The following TMCO5A variants were observed in gnomAD, a reference collection of about 807,000 sequenced individuals.
TMCO5A encodes the protein transmembrane and coiled-coil domains 5A.
Under a neutral mutation model 42.3 loss-of-function variants are expected in TMCO5A, and 34 were observed. That is an observed-to-expected ratio of 0.80 (90% CI 0.61 to 1.07). The LOEUF (loss-of-function observed/expected upper bound fraction) is 1.07. TMCO5A is among the 50% of genes least tolerant of loss of function. The pLI, the probability that TMCO5A is intolerant of heterozygous loss-of-function variation, is 0.00. For missense variants in TMCO5A, 357 were observed against 327.9 expected, an observed-to-expected ratio of 1.09 and a Z score of -0.69; for synonymous variants, 131 against 115.6, an observed-to-expected ratio of 1.13 and a Z score of -0.86.
chr15:37,953,552 C>T (rs531374021), downstream of TMCO5A, among the ~76,000 whole-genome samples: 1 of 152,086 alleles, frequency 6.6e-6, no homozygotes, highest in Non-Finnish European at 1.5e-5. Flanking sequence ...TAGATCACAA[C>T]ATCAAAGTCC....
the TMCO5A span, among the ~76,000 whole-genome samples, chr15:37,973,274 G>A: frequency 6.6e-6 from 1 of 151,520 alleles, no homozygotes; most frequent in East Asian, 1.9e-4. Flanking sequence ...TTGGCTATTG[G>A]GGCTCTTTTT....
At chr15:37,964,396 G>A (rs998263577) in intron 11 of TMCO5A, among the ~76,000 whole-genome samples, 4 of 152,126 alleles carry the variant, frequency 2.6e-5, no homozygotes, top group African/African-American at 9.7e-5. Flanking sequence ...AGTATTTGGG[G>A]TGTCTTCCGG....
At chr15:37,976,103 GCA>G in the TMCO5A span, among the ~76,000 whole-genome samples, 15 of 144,654 alleles carry the variant, frequency 1.0e-4, no homozygotes, top group Non-Finnish European at 1.6e-4. Flanking sequence ...AATTAGCCAG[GCA>G]TGGTGGTACA....
chr15:37,987,070 A>AT, the TMCO5A span, among the ~76,000 whole-genome samples: 1 of 151,940 alleles, frequency 6.6e-6, no homozygotes, highest in African/African-American at 2.4e-5. Flanking sequence ...ATCAACATAC[A>AT]TTTTTTGTAT....
the TMCO5A span, among the ~76,000 whole-genome samples, chr15:37,995,573 G>T: frequency 6.6e-6 from 1 of 152,316 alleles, no homozygotes; most frequent in Admixed American, 6.5e-5. Flanking sequence ...GAAGAGCCCA[G>T]TGGCTAATCC....
chr15:37,937,105 C>T (rs1889544795), intron 4 of TMCO5A, 135 bp downstream of exon 4: 12 of 1,392,990 alleles, frequency 8.6e-6, no homozygotes, highest in South Asian at 1.4e-5. Context: ...AAAATTTGTC[C>T]ATGCGTGGAA....
chr15:38,026,022 CT>C, the TMCO5A span, among the ~76,000 whole-genome samples: 1 of 152,150 alleles, frequency 6.6e-6, no homozygotes, highest in Non-Finnish European at 1.5e-5. Context: ...ACCTCTTTTT[CT>C]TCCCAGTCTT....
chr15:37,959,657 C>A (rs1015071178), intron 11 of TMCO5A, among the ~76,000 whole-genome samples: 2 of 151,930 alleles, frequency 1.3e-5, no homozygotes, highest in African/African-American at 2.4e-5. Flanking sequence ...TAAAAGCCCT[C>A]AAAGAACTGG....
the TMCO5A span, among the ~76,000 whole-genome samples, chr15:38,003,284 G>T: frequency 6.7e-6 from 1 of 148,332 alleles, no homozygotes; most frequent in African/African-American, 2.6e-5. Context: ...TTGAAGCTAG[G>T]GGAGGAGTGA....
downstream of TMCO5A, chr15:37,967,808 A>G (rs1463620145): frequency 6.6e-6 from 1 of 152,158 alleles, no homozygotes; most frequent in Non-Finnish European, 1.5e-5. Context: ...TCTCAAGTCC[A>G]AGGGCAGGGA....
chr15:37,939,799 C>G (rs1187231689), intron 6 of TMCO5A, among the ~76,000 whole-genome samples: 1 of 151,998 alleles, frequency 6.6e-6, no homozygotes, highest in Non-Finnish European at 1.5e-5. Flanking sequence ...TAATTCAACC[C>G]TTTGTGACTC....
downstream of TMCO5A, among the ~76,000 whole-genome samples, chr15:37,952,765 C>T (rs551829967): frequency 1.2e-4 from 19 of 152,294 alleles, no homozygotes; most frequent in African/African-American, 4.6e-4. Context: ...CTTGGGTTCC[C>T]AATTTCAGGA....
intron 11 of TMCO5A, among the ~76,000 whole-genome samples, chr15:37,962,417 A>C (rs575613479): frequency 5.7e-4 from 86 of 152,034 alleles, no homozygotes; most frequent in Non-Finnish European, 6.5e-4. Flanking sequence ...TATCTTTTTG[A>C]TATGTTGTTG....
chr15:38,001,485 A>G, the TMCO5A span, among the ~76,000 whole-genome samples: 1 of 148,124 alleles, frequency 6.8e-6, no homozygotes, highest in Non-Finnish European at 1.5e-5. Context: ...TTTTGGTTGG[A>G]GAGTTTAGTC....
chr15:37,961,107 T>TTTG lies in TMCO5A; in HGVS notation c.669-5518_669-5517insTTG, dbSNP rs1890414861. Among the ~76,000 whole-genome samples the TTTG allele has an allele frequency of 3.9e-5, 6 of 152,284 alleles. No homozygotes were observed. In the East Asian group the frequency reaches 5.8e-4, roughly 15 times the overall value. On this transcript the variant is annotated intron_variant, in intron 11 of 11. Transcript: ENST00000559502. Reference sequence around the variant, plus strand: ...TGCTTTTGGGTTCTTGGTCAGGAAATCCTTGCCTAAGCCAATGCCTAAAAG... The same window carrying TTTG: ...TGCTTTTGGGTTCTTGGTCAGGAAATTTGCCTTGCCTAAGCCAATGCCTAAAAG...
chr15:37,997,735 G>A, the TMCO5A span, among the ~76,000 whole-genome samples: 2 of 152,150 alleles, frequency 1.3e-5, no homozygotes, highest in Non-Finnish European at 2.9e-5. Context: ...CTAGCAGTGG[G>A]ATTACTGGGT....
chr15:37,954,695 A>G (rs1218647915), downstream of TMCO5A, among the ~76,000 whole-genome samples: 1 of 152,132 alleles, frequency 6.6e-6, no homozygotes, highest in Non-Finnish European at 1.5e-5. Flanking sequence ...TACCTTAAGT[A>G]GGAAAACTAA....
downstream of TMCO5A, among the ~76,000 whole-genome samples, chr15:37,955,155 G>A (rs562634108): frequency 2.0e-5 from 3 of 150,304 alleles, no homozygotes; most frequent in Admixed American, 2.0e-4. Context: ...TAGACTGGCT[G>A]AATGAATTTA....
At chr15:37,965,510 C>A (rs989093345) in intron 11 of TMCO5A, among the ~76,000 whole-genome samples, 2 of 152,108 alleles carry the variant, frequency 1.3e-5, no homozygotes, top group Non-Finnish European at 2.9e-5. Flanking sequence ...AACTACTCTT[C>A]GGACAAGGGA....
Sources: allele counts gnomAD v4.1 joint callset (sites outside exome capture counted in the v4.1 genomes callset), GRCh38; gene constraint gnomAD v4.1.1; transcripts MANE v1.5; gene names NCBI Gene and HGNC (gene_info 2026-07-23, HGNC 2026-07-21).